MASTL: variants seen among roughly 807,000 people sequenced by gnomAD.
The protein encoded by MASTL is serine/threonine-protein kinase greatwall.
Under a neutral mutation model 82.5 loss-of-function variants are expected in MASTL, and 54 were observed. That is an observed-to-expected ratio of 0.65 (90% CI 0.53 to 0.82). The LOEUF is 0.82. Among genes scored for constraint, MASTL ranks in the 40% least tolerant of loss-of-function variants. MASTL has a pLI of 0.00. For synonymous variants in MASTL, 323 were observed against 368.9 expected (o/e 0.88, Z 1.43); for missense variants, 950 against 1,047.8 (o/e 0.91, Z 1.29).
intron 9 of MASTL, among the ~76,000 whole-genome samples, chr10:27,177,558 AGTCT>A (rs2058139293): frequency 6.6e-6 from 1 of 152,114 alleles, no homozygotes; most frequent in African/African-American, 2.4e-5. Flanking sequence ...TGAGCCAGGG[AGTCT>A]GTCCTGAGTT....
At chr10:27,167,025 T>C in intron 6 of MASTL, 77 bp from the exon 7 acceptor site, 1 of 1,127,126 alleles carries the variant, frequency 8.9e-7, no homozygotes, top group Non-Finnish European at 1.3e-6. Context: ...CTTTGCTTAA[T>C]TATATGTAAA....
At chr10:27,172,452 C>T (rs548936557) in intron 8 of MASTL, among the ~76,000 whole-genome samples, 1 of 152,070 alleles carries the variant, frequency 6.6e-6, no homozygotes, top group East Asian at 1.9e-4. Flanking sequence ...GTCGGGAGAT[C>T]GAGACCAGCC....
intron 4 of MASTL, among the ~76,000 whole-genome samples, 154 bp downstream of exon 4, chr10:27,161,336 C>G (rs1564483849): frequency 6.6e-6 from 1 of 151,852 alleles, no homozygotes; most frequent in Non-Finnish European, 1.5e-5. Context: ...GGCAAAACCC[C>G]ATCTCTACTA....
chr10:27,173,255 C>T lies in MASTL; in HGVS notation c.2262C>T (p.Ala754=). The T allele has an allele frequency of 6.2e-7, 1 of 1,614,060 alleles. No homozygotes were observed. The highest frequency in any genetic ancestry group is 8.5e-7 in the Non-Finnish European group (1 of 1,180,002). The change falls in exon 9 of 12, where the codon GCC becomes GCT. Residue 754 remains alanine, a synonymous_variant. Coordinates refer to ENST00000375940, the MANE Select transcript of MASTL (RefSeq NM_001172303.3). ...CACCTGAGCTGTTACTAGGCAGGGCCCATGGTAAGGCATGCATGTCTTGAG... is the reference window on the plus strand; with the variant it reads ...CACCTGAGCTGTTACTAGGCAGGGCTCATGGTAAGGCATGCATGTCTTGAG... The part of the protein sequence containing the change: ...YLAPELLLGR[A]HGPAVDWWAL...
At chr10:27,178,395 C>CAAAAA (rs35522896) in intron 9 of MASTL, among the ~76,000 whole-genome samples, 7 of 130,998 alleles carry the variant, frequency 5.3e-5, no homozygotes, top group Admixed American at 4.9e-4. Context: ...GACTCCATCT[C>CAAAAA]AAAAAAAAAA....
At chr10:27,163,687 G>A (rs1205321574) in intron 4 of MASTL, among the ~76,000 whole-genome samples, 2 of 151,252 alleles carry the variant, frequency 1.3e-5, no homozygotes, top group African/African-American at 4.9e-5. Context: ...CTGGAGTGCA[G>A]GGGCACAATC....
At position 27,180,984 on chromosome 10, in the gene MASTL, T is replaced by C. The variant is rs115175971; in HGVS notation, c.2298T>C (p.Val766=). ...CGGTAGACTGGTGGGCACTTGGAGT[T>C]TGCTTGTTTGAATTTCTAACAGGAA... ...GPAVDWWALG[V]CLFEFLTGIP... The change falls in exon 10 of 12, where the codon GTT becomes GTC. Residue 766 remains valine, a synonymous_variant. Transcript: ENST00000375940. The C allele has an allele frequency of 3.8e-4, 610 of 1,613,646 alleles. No individual in the cohort carries two copies. In the African/African-American group the frequency reaches 7.3e-3, roughly 19 times the overall value.
intron 11 of MASTL, among the ~76,000 whole-genome samples, chr10:27,182,525 C>T (rs1209872137): frequency 6.6e-6 from 1 of 151,728 alleles, no homozygotes; most frequent in South Asian, 2.1e-4. Flanking sequence ...AGCTGGCAAT[C>T]GTTTGAGCTC....
chr10:27,163,905 C>T (rs1011214049), intron 4 of MASTL, among the ~76,000 whole-genome samples: 1 of 151,828 alleles, frequency 6.6e-6, no homozygotes, highest in Admixed American at 6.6e-5. Flanking sequence ...GTTGGGATTA[C>T]AGGCGTGAAC....
chr10:27,175,425 G>C (rs2058073794), intron 9 of MASTL, among the ~76,000 whole-genome samples: 1 of 151,960 alleles, frequency 6.6e-6, no homozygotes, highest in Admixed American at 6.6e-5. Context: ...CAGGTGATCT[G>C]CCTGCCTTGG....
intron 1 of MASTL, among the ~76,000 whole-genome samples, chr10:27,155,874 A>T (rs1159311331): frequency 6.6e-6 from 1 of 152,208 alleles, no homozygotes; most frequent in African/African-American, 2.4e-5. Context: ...CTCCCTGCCC[A>T]GCGTTAGCAA....
At chr10:27,158,735 G>A (rs1297834163) in intron 2 of MASTL, 49 bp downstream of exon 2, 1 of 1,592,348 alleles carries the variant, frequency 6.3e-7, no homozygotes, top group African/African-American at 1.3e-5. Flanking sequence ...AGCAGTCATT[G>A]AACCTAGTGA....
chr10:27,155,094 G>T, upstream of MASTL: 1 of 317,796 alleles, frequency 3.1e-6, no homozygotes, highest in Non-Finnish European at 6.0e-6. Flanking sequence ...GGGAAGCCAG[G>T]AGAAATCTCT....
At position 27,173,151 on chromosome 10, in the gene MASTL, T is replaced by C; in HGVS notation, c.2158T>C (p.Tyr720His). ...AAATCAGATCAAGTCGGGAACTCCA[T>C]ACCGAACTCCGAAGAGTGTGAGAAG... is the stretch of plus-strand genomic sequence containing the variant. ...TPNQIKSGTP[Y>H]RTPKSVRRGV... The change falls in exon 9 of 12, where the codon TAC (tyrosine) becomes CAC (histidine). Residue 720 changes from tyrosine (Y) to histidine (H), a missense_variant. Transcript: ENST00000375940. 3.7e-6 allele frequency: 6 copies of C among 1,614,172 alleles called. No homozygotes were observed. The highest frequency in any genetic ancestry group is 1.1e-5 in the South Asian group (1 of 91,088).
chr10:27,181,633 G>T lies in MASTL; in HGVS notation c.2482+52G>T, dbSNP rs188712485. On this transcript the variant is annotated intron_variant, in intron 11 of 11. Transcript: ENST00000375940. ...TTACCATTGATTTTTTGCAGATGGT[G>T]AATATTTATAAAAATAGCAAGTTCT... 72 of 1,352,002 alleles carry T rather than the reference G, an allele frequency of 5.3e-5. No homozygotes were observed. The African/African-American group carries it at 9.5e-4, about 18-fold the overall frequency. The allele number at this position is 1,352,002 out of a possible 1,614,324, so 83.8% of individuals were successfully genotyped here.
upstream of MASTL, chr10:27,154,946 C>T (rs28365962): frequency 0.073 from 12,160 of 166,212 alleles, 534 homozygotes; most frequent in East Asian, 0.16. Context: ...CATCCAGTTT[C>T]GACACTTTCT....
intron 1 of MASTL, among the ~76,000 whole-genome samples, chr10:27,156,260 G>A (rs1306985092): frequency 1.3e-5 from 2 of 152,138 alleles, no homozygotes; most frequent in Admixed American, 1.3e-4. Context: ...CCCTGACCTC[G>A]TATTCCGCCC....
intron 7 of MASTL, among the ~76,000 whole-genome samples, chr10:27,167,521 TA>T (rs1402797108): frequency 6.6e-6 from 1 of 152,234 alleles, no homozygotes; most frequent in African/African-American, 2.4e-5. Context: ...AAATTGATAA[TA>T]AATGCTTGGC....
At chr10:27,158,776 CTTGCAT>C in intron 2 of MASTL, 90 bp downstream of exon 2, 1 of 1,414,598 alleles carries the variant, frequency 7.1e-7, no homozygotes, top group South Asian at 1.2e-5. Flanking sequence ...GTTCAGAGTG[CTTGCAT>C]TTGAATTCTG....
Sources: gnomAD v4.1 joint callset for allele counts (sites outside exome capture counted in the v4.1 genomes callset) on GRCh38, gnomAD v4.1.1 for gene constraint, MANE v1.5 for transcripts, NCBI Gene and HGNC (gene_info 2026-07-23, HGNC 2026-07-21) for gene names.